The following HMCN1 variants were observed in gnomAD, a reference collection of about 807,000 sequenced individuals.
HMCN1 encodes hemicentin 1.
In HMCN1, 321 loss-of-function variants were observed where a neutral mutation model predicts 625.9. That is an observed-to-expected ratio of 0.51 (90% CI 0.47 to 0.56). The LOEUF is 0.56. Among genes scored for constraint, HMCN1 ranks in the 20% least tolerant of loss-of-function variants. HMCN1 has a pLI of 0.00. For synonymous variants in HMCN1, 2,425 were observed against 2,417.6 expected (o/e 1.00, Z -0.09); for missense variants, 6,588 against 6,887.3 (o/e 0.96, Z 1.54).
At chr1:185,805,543 A>C (rs6676522) in intron 1 of HMCN1, among the ~76,000 whole-genome samples, 13,828 of 152,200 alleles carry the variant, frequency 0.091, 2,025 homozygotes, top group African/African-American at 0.31. Flanking sequence ...GTCATATCTC[A>C]TTATTGATAA....
chr1:186,079,172 T>C (rs1407822588), intron 55 of HMCN1, among the ~76,000 whole-genome samples: 1 of 152,166 alleles, frequency 6.6e-6, no homozygotes, highest in Non-Finnish European at 1.5e-5. Context: ...TCTCTTACAC[T>C]GTCCCCCTTT....
chr1:186,163,906 CT>C (rs1330988930), intron 97 of HMCN1, among the ~76,000 whole-genome samples: 4 of 152,298 alleles, frequency 2.6e-5, no homozygotes, highest in African/African-American at 9.6e-5. Flanking sequence ...GATAGCCCCC[CT>C]ATTTATAACC....
chr1:186,120,677 T>C (rs559547366), intron 80 of HMCN1, among the ~76,000 whole-genome samples: 2 of 152,364 alleles, frequency 1.3e-5, no homozygotes, highest in South Asian at 2.1e-4. Flanking sequence ...AGCTACTAAA[T>C]TTGAATTAGC....
intron 63 of HMCN1, among the ~76,000 whole-genome samples, chr1:186,089,944 C>T (rs1045658278): frequency 3.3e-5 from 5 of 151,878 alleles, no homozygotes; most frequent in African/African-American, 4.8e-5. Flanking sequence ...GACCATGATT[C>T]GTAGCCAATT....
intron 12 of HMCN1, among the ~76,000 whole-genome samples, 189 bp downstream of exon 12, chr1:185,962,848 A>T (rs72718864): frequency 0.04 from 6,115 of 152,224 alleles, 276 homozygotes; most frequent in African/African-American, 0.11. Flanking sequence ...GTTTGAGGTT[A>T]TTGAGTCTTG....
intron 6 of HMCN1, among the ~76,000 whole-genome samples, chr1:185,916,966 T>C (rs1196820832): frequency 6.6e-6 from 1 of 152,104 alleles, no homozygotes; most frequent in Admixed American, 6.6e-5. Context: ...TTCTGTCTCA[T>C]CCCAGAAGTG....
Sources: gnomAD v4.1 joint callset for allele counts (sites outside exome capture counted in the v4.1 genomes callset) on GRCh38, gnomAD v4.1.1 for gene constraint, MANE v1.5 for transcripts, NCBI Gene and HGNC (gene_info 2026-07-23, HGNC 2026-07-21) for gene names.